CA10: variants seen among roughly 807,000 people sequenced by gnomAD.
The protein encoded by CA10 is carbonic anhydrase-related protein 10.
In CA10, 14 loss-of-function variants were observed where a neutral mutation model predicts 44.2. That is an observed-to-expected ratio of 0.32 (90% CI 0.21 to 0.50). CA10 has a LOEUF of 0.50. Ranked by LOEUF, CA10 falls within the 20% of genes least tolerant of loss-of-function variation. The pLI is 0.99. For synonymous variants in CA10, 159 were observed against 141.6 expected (o/e 1.12, Z -0.87); for missense variants, 350 against 409.7 (o/e 0.85, Z 1.26).
intron 2 of CA10, among the ~76,000 whole-genome samples, chr17:52,051,903 A>G (rs1250126103): frequency 6.6e-6 from 1 of 152,156 alleles, no homozygotes; most frequent in Admixed American, 6.6e-5. Flanking sequence ...GATAGACTGG[A>G]TGAAGAAAAT....
At chr17:51,899,941 G>A (rs1433978373) in intron 3 of CA10, among the ~76,000 whole-genome samples, 1 of 140,130 alleles carries the variant, frequency 7.1e-6, no homozygotes, top group Non-Finnish European at 1.5e-5. Flanking sequence ...CTGCATGTGA[G>A]ATGGGTCTCT....
intron 2 of CA10, among the ~76,000 whole-genome samples, chr17:52,061,919 T>C (rs1987397355): frequency 6.6e-6 from 1 of 152,134 alleles, no homozygotes. Flanking sequence ...TTGGGATGTA[T>C]TGAAGGATAA....
chr17:52,013,841 T>C (rs1261906518), intron 2 of CA10, among the ~76,000 whole-genome samples: 2 of 151,940 alleles, frequency 1.3e-5, no homozygotes, highest in African/African-American at 4.8e-5. Flanking sequence ...TAAAATAACG[T>C]AGTATAGTTG....
intron 3 of CA10, among the ~76,000 whole-genome samples, chr17:51,890,899 C>T (rs1980827217): frequency 6.6e-6 from 1 of 152,164 alleles, no homozygotes; most frequent in Non-Finnish European, 1.5e-5. Context: ...CTTGTTTCTG[C>T]TCAGTGCACA....
In CA10 at chr17:51,630,867, A is replaced by T. The variant is rs1912539759; in HGVS notation, c.*717T>A. 6.5e-6 allele frequency: 1 copy of T among 152,704 alleles called. No homozygotes were observed. The highest frequency in any genetic ancestry group is 2.4e-5 in the African/African-American group (1 of 41,478). The allele number at this position is 152,704 out of a possible 1,614,324, so 9.5% of individuals were successfully genotyped here. A position where few individuals can be genotyped will look rare whatever the true frequency, so the allele number is the denominator to read the frequency against. On this transcript the variant is annotated 3_prime_UTR_variant, in exon 9 of 9. Transcript: ENST00000451037. ...AGAAACAGCAAATGGATCATTTCTGATCTTGGCAAATCCTACTACAGATAT... is the reference window on the plus strand; with the variant it reads ...AGAAACAGCAAATGGATCATTTCTGTTCTTGGCAAATCCTACTACAGATAT...
At chr17:51,644,094 T>G (rs1235621281) in intron 6 of CA10, among the ~76,000 whole-genome samples, 1 of 152,172 alleles carries the variant, frequency 6.6e-6, no homozygotes, top group Non-Finnish European at 1.5e-5. Context: ...AGATTCTCCC[T>G]CTTTCCTCCT....
At chr17:51,680,432 T>G (rs1914805508) in intron 4 of CA10, among the ~76,000 whole-genome samples, 1 of 152,170 alleles carries the variant, frequency 6.6e-6, no homozygotes, top group Non-Finnish European at 1.5e-5. Context: ...TCTGGAAGAT[T>G]AAACCAATTG....
chr17:51,931,243 T>G, intron 2 of CA10, 111 bp from the exon 3 acceptor site: 2 of 1,022,680 alleles, frequency 2.0e-6, no homozygotes, highest in Non-Finnish European at 2.9e-6. Flanking sequence ...CCACCAAATG[T>G]TCCCACCCAT....
At chr17:51,938,208 G>A (rs527528831) in intron 2 of CA10, among the ~76,000 whole-genome samples, 1 of 152,254 alleles carries the variant, frequency 6.6e-6, no homozygotes, top group South Asian at 2.1e-4. Context: ...TTGTGAGAAT[G>A]TATTTATAAA....
chr17:51,701,557 A>C (rs1915605115), intron 4 of CA10, among the ~76,000 whole-genome samples: 1 of 152,048 alleles, frequency 6.6e-6, no homozygotes, highest in South Asian at 2.1e-4. Flanking sequence ...CCTTTAATAT[A>C]TGAGCTGGTA....
intron 4 of CA10, among the ~76,000 whole-genome samples, chr17:51,656,817 G>T (rs974168748): frequency 3.9e-5 from 6 of 152,198 alleles, no homozygotes; most frequent in African/African-American, 1.4e-4. Context: ...CAGAAGTGCT[G>T]CTATAGCAGA....
intron 2 of CA10, among the ~76,000 whole-genome samples, chr17:51,963,516 G>A (rs1567902229): frequency 6.6e-6 from 1 of 152,132 alleles, no homozygotes; most frequent in East Asian, 1.9e-4. Flanking sequence ...GGTAGCTAGA[G>A]AAAAAGATCA....
chr17:52,009,056 A>G (rs967500496), intron 2 of CA10, among the ~76,000 whole-genome samples: 2 of 151,944 alleles, frequency 1.3e-5, no homozygotes, highest in African/African-American at 2.4e-5. Flanking sequence ...ATCTTAGTCT[A>G]TCTCATCTCT....
chr17:51,676,619 T>C (rs1285792671), intron 4 of CA10, among the ~76,000 whole-genome samples: 2 of 152,176 alleles, frequency 1.3e-5, no homozygotes, highest in African/African-American at 4.8e-5. Context: ...TGCTCTTACA[T>C]CAGAAACCCT....
intron 3 of CA10, among the ~76,000 whole-genome samples, chr17:51,881,674 C>T (rs927788822): frequency 1.3e-5 from 2 of 152,128 alleles, no homozygotes; most frequent in Admixed American, 6.5e-5. Flanking sequence ...GGTGATGAAC[C>T]TCACTAACAA....
chr17:51,664,599 C>G (rs949436507), intron 4 of CA10, among the ~76,000 whole-genome samples: 5 of 151,434 alleles, frequency 3.3e-5, no homozygotes, highest in African/African-American at 1.2e-4. Context: ...CAACCTGATG[C>G]CTGGGATGTC....
intron 3 of CA10, among the ~76,000 whole-genome samples, chr17:51,900,633 C>T (rs1017440675): frequency 6.6e-6 from 1 of 152,136 alleles, no homozygotes; most frequent in African/African-American, 2.4e-5. Context: ...AAGTTCCTTG[C>T]CTTCTCGCTC....
At chr17:52,121,383 G>A (rs953658189) in intron 1 of CA10, among the ~76,000 whole-genome samples, 2 of 152,114 alleles carry the variant, frequency 1.3e-5, no homozygotes, top group Non-Finnish European at 2.9e-5. Flanking sequence ...AGAAGACCTA[G>A]GTTGGAAGGG....
intron 4 of CA10, among the ~76,000 whole-genome samples, chr17:51,657,771 A>G (rs751264534): frequency 4.6e-5 from 7 of 152,234 alleles, no homozygotes; most frequent in Non-Finnish European, 8.8e-5. Flanking sequence ...ACAGATGATC[A>G]ATAAGTGATT....
Sources: gnomAD v4.1 joint callset for allele counts (sites outside exome capture counted in the v4.1 genomes callset) on GRCh38, gnomAD v4.1.1 for gene constraint, MANE v1.5 for transcripts, NCBI Gene and HGNC (gene_info 2026-07-23, HGNC 2026-07-21) for gene names.